The following DTX2 variants were observed in gnomAD, a reference collection of about 807,000 sequenced individuals.
DTX2 encodes deltex E3 ubiquitin ligase 2, also known as probable E3 ubiquitin-protein ligase DTX2.
DTX2 carries 29 observed loss-of-function variants against 55.3 expected under a neutral mutation model. The observed-to-expected ratio is 0.52, with a 90% confidence interval of 0.39 to 0.71. The LOEUF (loss-of-function observed/expected upper bound fraction) is 0.71. Ranked by LOEUF, DTX2 falls within the 30% of genes least tolerant of loss-of-function variation. DTX2 has a pLI of 0.00. For missense variants in DTX2, 537 were observed against 822.5 expected (o/e 0.65, Z 4.25); for synonymous variants, 276 against 340.4 (o/e 0.81, Z 2.08).
Position 76,482,631 on chromosome 7 carries a change from A to T in DTX2, c.392A>T (p.Tyr131Phe), listed in dbSNP as rs1210156527. 3 of 1,613,764 alleles carry T rather than the reference A, an allele frequency of 1.9e-6. No individual in the cohort carries two copies. The East Asian group carries it at 6.7e-5, about 36-fold the overall frequency. The change falls in exon 4 of 11, where the codon TAT becomes TTT. Residue 131 changes from tyrosine to phenylalanine, a missense_variant. Tyr to Phe is a conservative substitution (Grantham distance 22). This residue lies in a region of DTX2 where 301 missense variants were observed against 396.6 expected (regional missense o/e 0.76). Coordinates refer to ENST00000430490, the MANE Select transcript of DTX2 (RefSeq NM_001102594.3). The stretch of plus-strand genomic sequence containing the variant: ...GCCTATGAAGCCAGCGTCTGTGACT[A>T]TCTGGAGCAGCAGGTGGCCAGGGGC... ...WTAYEASVCD[Y>F]LEQQVARGNQ...
chr7:76,481,478 C>T (rs537826618), intron 3 of DTX2, among the ~76,000 whole-genome samples: 5 of 152,274 alleles, frequency 3.3e-5, no homozygotes, highest in African/African-American at 9.6e-5. Flanking sequence ...TGAGCCACCG[C>T]GCCTGGACCT....
chr7:76,474,873 G>C (rs1389273213), intron 2 of DTX2: 1 of 152,130 alleles, frequency 6.6e-6, no homozygotes, highest in Non-Finnish European at 1.5e-5. Context: ...TGCATCTCCA[G>C]TAGAACAGCA....
chr7:76,483,103 A>T lies in DTX2; in HGVS notation c.864A>T (p.Gly288=), dbSNP rs978815021. ...ACCGCTCCAGCCTCTCCCACCTGGG[A>T]CCGCAGCACCTGCCCCCAGGATCCT... ...PLYRSSLSHL[G]PQHLPPGSST... The change falls in exon 4 of 11, where the codon GGA becomes GGT. Residue 288 remains glycine (G), a synonymous_variant. Coordinates refer to ENST00000430490, the MANE Select transcript of DTX2 (RefSeq NM_001102594.3). 6.2e-7 allele frequency: 1 copy of T among 1,612,838 alleles called. No homozygotes were observed. The highest frequency in any genetic ancestry group is 1.7e-5 in the Admixed American group (1 of 59,944).
chr7:76,483,650 C>A (rs1809576532), intron 4 of DTX2, among the ~76,000 whole-genome samples: 2 of 150,100 alleles, frequency 1.3e-5, no homozygotes, highest in Admixed American at 6.7e-5. Flanking sequence ...GGTGACCTGG[C>A]CCCCGTGATG....
intron 7 of DTX2, chr7:76,502,022 G>T (rs571385067): frequency 1.1e-5 from 5 of 463,000 alleles, no homozygotes; most frequent in Middle Eastern, 5.8e-4. Flanking sequence ...GAGTAGCTGG[G>T]ATTATAGGCA....
chr7:76,502,132 C>T, intron 7 of DTX2, 166 bp from the exon 8 acceptor site: 3 of 616,218 alleles, frequency 4.9e-6, no homozygotes, highest in Middle Eastern at 4.4e-4. Context: ...AGTGATCGGC[C>T]TCCTAGAGTG....
chr7:76,505,861 G>A lies in DTX2; in HGVS notation c.*260G>A, dbSNP rs1341204790. 3.4e-6 allele frequency: 2 copies of A among 585,170 alleles called. No homozygotes were observed. The highest frequency in any genetic ancestry group is 6.1e-5 in the Admixed American group (2 of 32,694). The allele number at this position is 585,170 out of a possible 1,614,324, so 36.2% of individuals were successfully genotyped here. A position where few individuals can be genotyped will look rare whatever the true frequency, so the allele number is the denominator to read the frequency against. On this transcript the variant is annotated 3_prime_UTR_variant, in exon 11 of 11. Transcript: ENST00000430490. This position sits in a 1 kb window ranked among gnomAD's most constrained non-coding sequence, Gnocchi z 4.4. ...CGCAGGGCCCGTCTGTCCTCTGGGG[G>A]CTGCTTCGGGCCCGCGGTGCTCGGG...
chr7:76,463,040 A>G (rs1485538648), intron 1 of DTX2, among the ~76,000 whole-genome samples: 2 of 122,886 alleles, frequency 1.6e-5, no homozygotes, highest in Admixed American at 8.6e-5. Flanking sequence ...GCACTGCAGC[A>G]TGGGCGACAG....
At chr7:76,503,638 C>G in intron 9 of DTX2, 51 bp downstream of exon 9, 1 of 1,499,342 alleles carries the variant, frequency 6.7e-7, no homozygotes, top group Non-Finnish European at 9.1e-7. Context: ...CTTCCCACCC[C>G]GCCCACATCC....
At chr7:76,475,481 G>C (rs1808448576) in intron 2 of DTX2, among the ~76,000 whole-genome samples, 1 of 148,310 alleles carries the variant, frequency 6.7e-6, no homozygotes, top group South Asian at 2.2e-4. Context: ...GAGGTCAGGA[G>C]TTTGAGACCA....
intron 4 of DTX2, among the ~76,000 whole-genome samples, chr7:76,491,061 A>G (rs1396402527): frequency 7.8e-6 from 1 of 127,482 alleles, no homozygotes; most frequent in Non-Finnish European, 1.6e-5. Context: ...CAGTGGTGCA[A>G]TCTCGGCTCA....
intron 10 of DTX2, 76 bp downstream of exon 10, chr7:76,504,521 C>G (rs1812120244): frequency 6.8e-7 from 1 of 1,475,640 alleles, no homozygotes; most frequent in Non-Finnish European, 9.2e-7. Context: ...ACACTGGACT[C>G]TGCTTCTGCA....
At chr7:76,468,493 CTG>C (rs1807450638) in intron 2 of DTX2, among the ~76,000 whole-genome samples, 1 of 69,134 alleles carries the variant, frequency 1.4e-5, no homozygotes, top group African/African-American at 6.0e-5. Flanking sequence ...GAGTCTCACT[CTG>C]TTGCCAGGCT....
At chr7:76,480,206 G>A (rs1411095228) in intron 2 of DTX2, among the ~76,000 whole-genome samples, 1 of 146,980 alleles carries the variant, frequency 6.8e-6, no homozygotes, top group African/African-American at 2.6e-5. Context: ...TCTGGAGGCT[G>A]AGTTGTGAGG....
rs570668870 is a variant in DTX2 at position 76,477,574 on chromosome 7, A to G, written c.-89-2847A>G. 1.6e-3 allele frequency among the ~76,000 whole-genome samples: 236 copies of G among 151,236 alleles called. 1 individual carries two copies. The highest frequency in any genetic ancestry group is 5.6e-3 in the African/African-American group (231 of 41,112). On this transcript the variant is annotated intron_variant, in intron 2 of 10. Coordinates refer to ENST00000430490, the MANE Select transcript of DTX2 (RefSeq NM_001102594.3). ...CTTCCATCAAGATGATACAATAGCC[A>G]GGCATGGTGGCGCGTGCCTGTAGTC... is the stretch of plus-strand genomic sequence containing the variant.
intron 4 of DTX2, among the ~76,000 whole-genome samples, chr7:76,491,065 C>T (rs1279564632): frequency 6.1e-5 from 8 of 131,348 alleles, no homozygotes; most frequent in African/African-American, 1.5e-4. Flanking sequence ...GGTGCAATCT[C>T]GGCTCACTGC....
chr7:76,495,325 T>C (rs1810811488), intron 5 of DTX2, among the ~76,000 whole-genome samples: 1 of 144,334 alleles, frequency 6.9e-6, no homozygotes, highest in African/African-American at 2.6e-5. Flanking sequence ...GAAGGAGGGG[T>C]GTCTGCAAAT....
At chr7:76,471,323 G>A (rs1176425295) in intron 2 of DTX2, among the ~76,000 whole-genome samples, 2 of 148,638 alleles carry the variant, frequency 1.3e-5, no homozygotes, top group African/African-American at 4.9e-5. Flanking sequence ...CACCGCGCCC[G>A]GCTAATTTTT....
chr7:76,502,011 C>T (rs2261368), intron 7 of DTX2: 5 of 369,726 alleles, frequency 1.4e-5, no homozygotes, highest in East Asian at 4.8e-5. Context: ...CTCAGCCTCC[C>T]GAGTAGCTGG....
Sources: gnomAD v4.1 joint callset for allele counts (sites outside exome capture counted in the v4.1 genomes callset) on GRCh38, gnomAD v4.1.1 for gene constraint, gnomAD v4.1.1 regional missense constraint, Gnocchi (gnomAD v3.1) non-coding constraint, MANE v1.5 for transcripts, NCBI Gene and HGNC (gene_info 2026-07-23, HGNC 2026-07-21) for gene names.